The following GMDS variants were observed in gnomAD, a reference collection of about 807,000 sequenced individuals.
GMDS encodes the protein GDP-mannose 4,6-dehydratase, also known as GDP-mannose 4,6 dehydratase.
GMDS carries 20 observed loss-of-function variants against 49.9 expected under a neutral mutation model. That is an observed-to-expected ratio of 0.40 (90% confidence interval 0.28 to 0.58). The LOEUF is 0.58. Among genes scored for constraint, GMDS ranks in the 20% least tolerant of loss-of-function variants. The pLI, the probability that GMDS is intolerant of heterozygous loss-of-function variation, is 0.42. For synonymous variants in GMDS, 177 were observed against 178.6 expected (o/e 0.99, Z 0.07); for missense variants, 362 against 481.4 (o/e 0.75, Z 2.32).
chr6:1,633,751 C>A (rs1763065302), intron 9 of GMDS, among the ~76,000 whole-genome samples: 1 of 152,120 alleles, frequency 6.6e-6, no homozygotes. Flanking sequence ...GAGAGGAGCC[C>A]ATGACCACGA....
chr6:2,111,681 A>T (rs1774551125), intron 4 of GMDS, among the ~76,000 whole-genome samples: 1 of 152,212 alleles, frequency 6.6e-6, no homozygotes, highest in Non-Finnish European at 1.5e-5. Flanking sequence ...AATTAAATGC[A>T]AATGTGTGCT....
intron 7 of GMDS, among the ~76,000 whole-genome samples, chr6:1,848,997 T>A (rs570272330): frequency 6.6e-6 from 1 of 152,160 alleles, no homozygotes; most frequent in Non-Finnish European, 1.5e-5. Flanking sequence ...TAGATGACAG[T>A]GGCAACTACC....
chr6:2,076,979 C>G (rs1035666817), intron 4 of GMDS, among the ~76,000 whole-genome samples: 1 of 152,044 alleles, frequency 6.6e-6, no homozygotes, highest in African/African-American at 2.4e-5. Flanking sequence ...TTCGTTCATC[C>G]ATCTTTTGTA....
At chr6:2,161,987 C>T (rs1777423123) in intron 1 of GMDS, among the ~76,000 whole-genome samples, 2 of 152,108 alleles carry the variant, frequency 1.3e-5, no homozygotes, top group Admixed American at 6.5e-5. Flanking sequence ...AAAAACAGAG[C>T]TGGTTCTCTA....
chr6:1,875,090 C>A (rs1328638926), intron 7 of GMDS, among the ~76,000 whole-genome samples: 3 of 151,984 alleles, frequency 2.0e-5, no homozygotes, highest in Non-Finnish European at 4.4e-5. Context: ...CATGGGACTG[C>A]CCCCTATTTG....
At chr6:1,867,631 G>A (rs1204391154) in intron 7 of GMDS, among the ~76,000 whole-genome samples, 1 of 152,164 alleles carries the variant, frequency 6.6e-6, no homozygotes, top group African/African-American at 2.4e-5. Flanking sequence ...CCTGTCACAG[G>A]GATCTCTAGA....
intron 8 of GMDS, among the ~76,000 whole-genome samples, chr6:1,726,713 C>T (rs138920064): frequency 5.9e-4 from 90 of 152,330 alleles, no homozygotes; most frequent in Middle Eastern, 6.8e-3. Flanking sequence ...GCAAGGGCAG[C>T]GTTTTTTTCC....
intron 4 of GMDS, among the ~76,000 whole-genome samples, chr6:2,018,623 C>T (rs116714413): frequency 6.6e-6 from 1 of 152,242 alleles, no homozygotes; most frequent in African/African-American, 2.4e-5. Flanking sequence ...GGCTTTTTCA[C>T]TTACCATAAT....
chr6:2,218,372 C>T (rs1407382215), intron 1 of GMDS, among the ~76,000 whole-genome samples: 2 of 152,304 alleles, frequency 1.3e-5, no homozygotes. Context: ...ACAGAAATTG[C>T]CTCCCTTCTA....
At chr6:1,882,962 G>A (rs1410468095) in intron 7 of GMDS, among the ~76,000 whole-genome samples, 3 of 152,118 alleles carry the variant, frequency 2.0e-5, no homozygotes, top group Non-Finnish European at 4.4e-5. Context: ...ATCTAGCTTG[G>A]TTCCTCATAG....
chr6:2,088,454 T>C (rs1000104977), intron 4 of GMDS, among the ~76,000 whole-genome samples: 2 of 152,226 alleles, frequency 1.3e-5, no homozygotes, highest in Non-Finnish European at 2.9e-5. Context: ...CACCAGTGAA[T>C]GCAGGTTCCT....
intron 9 of GMDS, among the ~76,000 whole-genome samples, chr6:1,656,434 G>T (rs1302691621): frequency 6.6e-6 from 1 of 152,184 alleles, no homozygotes; most frequent in Non-Finnish European, 1.5e-5. Flanking sequence ...ATGTAGGATT[G>T]ATATGATTGT....
intron 4 of GMDS, among the ~76,000 whole-genome samples, chr6:1,976,354 A>G (rs1167297800): frequency 2.6e-5 from 4 of 152,244 alleles, no homozygotes; most frequent in Non-Finnish European, 5.9e-5. Context: ...GGCAAATTTA[A>G]TAACAGGAAC....
intron 8 of GMDS, among the ~76,000 whole-genome samples, chr6:1,737,224 C>T (rs1014924260): frequency 2.0e-5 from 3 of 152,154 alleles, no homozygotes; most frequent in African/African-American, 4.8e-5. Flanking sequence ...TGAAACATTA[C>T]CCACCTCCCA....
intron 4 of GMDS, among the ~76,000 whole-genome samples, chr6:2,027,715 C>T (rs1768686184): frequency 6.6e-6 from 1 of 152,060 alleles, no homozygotes; most frequent in Admixed American, 6.5e-5. Context: ...TGTAATAATA[C>T]AGACACAGCA....
At chr6:1,739,652 C>T (rs1218323761) in intron 8 of GMDS, among the ~76,000 whole-genome samples, 1 of 152,222 alleles carries the variant, frequency 6.6e-6, no homozygotes, top group Non-Finnish European at 1.5e-5. Flanking sequence ...CAGGATTTTT[C>T]TAGGTGGATT....
chr6:2,038,472 C>G (rs1388842095), intron 4 of GMDS, among the ~76,000 whole-genome samples: 1 of 152,226 alleles, frequency 6.6e-6, no homozygotes, highest in Non-Finnish European at 1.5e-5. Flanking sequence ...CCCACCTCCA[C>G]TGGGCCCGCA....
intron 7 of GMDS, among the ~76,000 whole-genome samples, chr6:1,929,003 A>G: frequency 6.6e-6 from 1 of 151,882 alleles, no homozygotes; most frequent in Non-Finnish European, 1.5e-5. Flanking sequence ...ATAAATAAAT[A>G]GATCTAAATG....
intron 9 of GMDS, among the ~76,000 whole-genome samples, chr6:1,682,810 C>T (rs1355400697): frequency 3.8e-4 from 1 of 2,610 alleles, no homozygotes; most frequent in East Asian, 4.3e-3. Flanking sequence ...ACCTCGTGAT[C>T]CGCCCGCCTC....
Sources: allele counts gnomAD v4.1 joint callset (sites outside exome capture counted in the v4.1 genomes callset), GRCh38; gene constraint gnomAD v4.1.1; transcripts MANE v1.5; gene names NCBI Gene and HGNC (gene_info 2026-07-23, HGNC 2026-07-21).